Variants in HSP90AA1 observed in about 807,000 individuals in gnomAD.
The protein encoded by HSP90AA1 is heat shock protein 90 alpha family class A member 1.
HSP90AA1 carries 18 observed loss-of-function variants against 73.3 expected under a neutral mutation model. That is an observed-to-expected ratio of 0.25 (90% CI 0.17 to 0.36). The LOEUF (loss-of-function observed/expected upper bound fraction) is 0.36. HSP90AA1 is among the 10% of genes least tolerant of loss of function. The pLI is 1.00. For missense variants in HSP90AA1, 704 were observed against 874.2 expected (o/e 0.81, Z 2.45); for synonymous variants, 477 against 296.9 (o/e 1.61, Z -6.24).
upstream of HSP90AA1, among the ~76,000 whole-genome samples, chr14:102,087,934 TTTTTTTTTTTTTTTTTC>T (rs1292766963): frequency 6.9e-5 from 5 of 72,064 alleles, no homozygotes; most frequent in South Asian, 8.2e-4. Context: ...CTAAAAGGTT[TTTTTTTTTTTTTTTTTC>T]TTTTTTTTTT....
chr14:102,126,798 G>A (rs2049845083), intron 1 of HSP90AA1, among the ~76,000 whole-genome samples: 1 of 152,176 alleles, frequency 6.6e-6, no homozygotes, highest in Admixed American at 6.6e-5. Context: ...AAAGTCCTGG[G>A]ACTACAGGCG....
At chr14:102,104,945 T>C (rs2049544033) in intron 1 of HSP90AA1, among the ~76,000 whole-genome samples, 1 of 148,858 alleles carries the variant, frequency 6.7e-6, no homozygotes, top group Non-Finnish European at 1.5e-5. Flanking sequence ...ACACCTGTAA[T>C]CCCAGCACTT....
intron 1 of HSP90AA1, among the ~76,000 whole-genome samples, chr14:102,112,994 G>A (rs1446510753): frequency 6.6e-6 from 1 of 151,792 alleles, no homozygotes; most frequent in African/African-American, 2.4e-5. Flanking sequence ...TATTTTTTCT[G>A]TTCATTTGTG....
intron 2 of HSP90AA1, among the ~76,000 whole-genome samples, chr14:102,099,866 A>G (rs2049471401): frequency 6.6e-6 from 1 of 152,046 alleles, no homozygotes; most frequent in Admixed American, 6.6e-5. Context: ...ATCTCTTCTA[A>G]ATTCTGTTTT....
intron 2 of HSP90AA1, among the ~76,000 whole-genome samples, chr14:102,098,100 C>T (rs2049447424): frequency 6.6e-6 from 1 of 152,120 alleles, no homozygotes; most frequent in Admixed American, 6.6e-5. Context: ...CTTCTTTATT[C>T]CTCCTTGACT....
At chr14:102,103,522 G>A (rs1404845620) in intron 1 of HSP90AA1, among the ~76,000 whole-genome samples, 2 of 151,818 alleles carry the variant, frequency 1.3e-5, no homozygotes, top group South Asian at 2.1e-4. Context: ...ACCCTATCTC[G>A]GCTGGGTGTG....
chr14:102,081,096 G>A lies in HSP90AA1; in HGVS notation c.*616C>T, dbSNP rs1017830031. 3.1e-5 allele frequency: 7 copies of A among 228,286 alleles called. No individual in the cohort carries two copies. Among genetic ancestry groups the A allele is most frequent in the East Asian group, 6.4e-5 (1 of 15,746 alleles). The allele number at this position is 228,286 out of a possible 1,614,324, so 14.1% of individuals were successfully genotyped here. A position where few individuals can be genotyped will look rare whatever the true frequency, so the allele number is the denominator to read the frequency against. ...TACAACTTTAAGCAGAATGTGACTC[G>A]AGCACTACATTTCCATCCACAAGAC... On this transcript the variant is annotated 3_prime_UTR_variant, in exon 11 of 11. Coordinates refer to ENST00000216281, the MANE Select transcript of HSP90AA1 (RefSeq NM_005348.4).
chr14:102,136,297 G>A (rs1298878305), intron 1 of HSP90AA1, among the ~76,000 whole-genome samples: 4 of 151,958 alleles, frequency 2.6e-5, no homozygotes, highest in African/African-American at 4.8e-5. Flanking sequence ...GGCCGGGCGC[G>A]GTGGCTCACG....
rs112005151 is a variant in HSP90AA1, at chr14:102,135,363, T to A, written c.155+3887A>T. The stretch of plus-strand genomic sequence containing the variant: ...AAGGTTCTCCAAGGCCCCACCAGAG[T>A]AGCTAGATACAGAGTGTGGATTGGT... On this transcript the variant is annotated intron_variant, in intron 1 of 11. Transcript: ENST00000334701. Among the ~76,000 whole-genome samples, 23 of 124,236 alleles carry A rather than the reference T, an allele frequency of 1.9e-4. 1 individual carries two copies. The highest frequency in any genetic ancestry group is 7.4e-4 in the African/African-American group (22 of 29,740). The allele number at this position is 124,236 out of a possible 152,430, so 81.5% of individuals were successfully genotyped here. A position where few individuals can be genotyped will look rare whatever the true frequency, so the allele number is the denominator to read the frequency against.
intron 1 of HSP90AA1, among the ~76,000 whole-genome samples, chr14:102,123,177 C>T (rs1190602): frequency 0.93 from 141,046 of 151,754 alleles, 65,572 homozygotes; most frequent in East Asian, 1. Context: ...GGTGGATCAC[C>T]TGAGGTCAGG....
rs34596136 is a variant in HSP90AA1 at position 102,085,612 on chromosome 14, C to A, written c.529+146G>T. On this transcript the variant is annotated intron_variant, in intron 3 of 10. Coordinates refer to ENST00000216281, the MANE Select transcript of HSP90AA1 (RefSeq NM_005348.4). ...AAAAGAACCGCCCACCAAGTCATGC[C>A]ATTACACTAATTAAGTGCTCTAGCT... 2.7e-3 allele frequency: 3,526 copies of A among 1,322,272 alleles called. 80 individuals are homozygous for A. The African/African-American group carries it at 0.046, about 17-fold the overall frequency. The allele number at this position is 1,322,272 out of a possible 1,614,324, so 81.9% of individuals were successfully genotyped here.
rs756734224 is a variant in HSP90AA1 at position 102,085,002 on chromosome 14, C to CA, written c.664-5dup. ...CTTTATCACGTTCCTTCTCCACCTTCAAAAGAAAACACGAAATCACATCAC... is the reference window on the plus strand; with the variant it reads ...CTTTATCACGTTCCTTCTCCACCTTCAAAAAGAAAACACGAAATCACATCAC... On this transcript the variant is annotated splice_polypyrimidine_tract_variant and splice_region_variant and intron_variant, in intron 4 of 10. Transcript: ENST00000216281. 3 of 1,613,734 alleles carry CA rather than the reference C, an allele frequency of 1.9e-6. No individual in the cohort carries two copies. Among genetic ancestry groups the CA allele is most frequent in the Non-Finnish European group, 2.5e-6 (3 of 1,179,774 alleles).
chr14:102,081,888 T>G (rs1302071654), intron 10 of HSP90AA1, 67 bp from the exon 11 acceptor site: 2 of 835,908 alleles, frequency 2.4e-6, no homozygotes, highest in Middle Eastern at 2.2e-4. Flanking sequence ...GTAATACTCT[T>G]GGTTTCTATC....
chr14:102,088,910 T>TTC (rs201718334), upstream of HSP90AA1, among the ~76,000 whole-genome samples: 262 of 56,796 alleles, frequency 4.6e-3, no homozygotes, highest in East Asian at 0.031. Flanking sequence ...TTCTTTTCTT[T>TTC]TTTTTTTTTT....
chr14:102,088,844 A>AG (rs1354788143), upstream of HSP90AA1, among the ~76,000 whole-genome samples: 2 of 151,660 alleles, frequency 1.3e-5, no homozygotes, highest in African/African-American at 4.9e-5. Context: ...GCCATTGCCC[A>AG]GGGGGTTTGA....
intron 1 of HSP90AA1, among the ~76,000 whole-genome samples, chr14:102,108,561 GTCTTGCCCT>G (rs1349470500): frequency 2.2e-5 from 3 of 135,508 alleles, no homozygotes; most frequent in African/African-American, 8.5e-5. Context: ...TTGAGATGGA[GTCTTGCCCT>G]TGTTGCCCAT....
At chr14:102,122,899 C>A (rs1277704301) in intron 1 of HSP90AA1, among the ~76,000 whole-genome samples, 1 of 147,898 alleles carries the variant, frequency 6.8e-6, no homozygotes, top group Non-Finnish European at 1.5e-5. Context: ...AACTCCTGAC[C>A]TCAGGTGATC....
chr14:102,108,531 CTTTTTT>C (rs35612478), intron 1 of HSP90AA1, among the ~76,000 whole-genome samples: 30 of 130,786 alleles, frequency 2.3e-4, no homozygotes, highest in African/African-American at 6.3e-4. Context: ...TAACTTATAA[CTTTTTT>C]TTTTTTTTTT....
At position 102,103,291 on chromosome 14, in the gene HSP90AA1, C is replaced by T. The variant is rs375920882; in HGVS notation, c.156-1206G>A. Among the ~76,000 whole-genome samples the T allele has an allele frequency of 6.7e-5, 10 of 149,584 alleles. No homozygotes were observed. In the East Asian group the frequency reaches 1.6e-3, roughly 23 times the overall value. On this transcript the variant is annotated intron_variant, in intron 1 of 11. Transcript: ENST00000334701. ...GTGGCATGATCATGATTCACTGCAG[C>T]CTCAACCTGCTGGGCTTAAGCGAGT...
Sources: allele counts gnomAD v4.1 joint callset (sites outside exome capture counted in the v4.1 genomes callset), GRCh38; gene constraint gnomAD v4.1.1; transcripts MANE v1.5; gene names NCBI Gene and HGNC (gene_info 2026-07-23, HGNC 2026-07-21).